The following PRKD1 variants were observed in gnomAD, a reference collection of about 807,000 sequenced individuals.
PRKD1 encodes protein kinase D1.
PRKD1 carries 63 observed loss-of-function variants against 95.9 expected under a neutral mutation model. That is an observed-to-expected ratio of 0.66 (90% CI 0.54 to 0.81). The LOEUF (loss-of-function observed/expected upper bound fraction) is 0.81, where lower values mean the gene tolerates loss of function less well. PRKD1 is among the 30% of genes least tolerant of loss of function. PRKD1 has a pLI of 0.00. For synonymous variants in PRKD1, 425 were observed against 423.1 expected, an observed-to-expected ratio of 1.00 and a Z score of -0.05; for missense variants, 1,048 against 1,165.3, an observed-to-expected ratio of 0.90 and a Z score of 1.47.
chr14:29,765,423 C>T (rs555681654), intron 1 of PRKD1, among the ~76,000 whole-genome samples: 1 of 152,312 alleles, frequency 6.6e-6, no homozygotes, highest in Non-Finnish European at 1.5e-5. Flanking sequence ...AGTCACTCTC[C>T]TACCCTTCTG....
intron 2 of PRKD1, among the ~76,000 whole-genome samples, chr14:29,666,547 T>C (rs1882523086): frequency 6.6e-6 from 1 of 152,084 alleles, no homozygotes; most frequent in African/African-American, 2.4e-5. Context: ...ATTTTACTTT[T>C]TCTCTTACTT....
intron 2 of PRKD1, among the ~76,000 whole-genome samples, chr14:29,714,154 A>G (rs1466218633): frequency 6.6e-6 from 1 of 152,184 alleles, no homozygotes; most frequent in Non-Finnish European, 1.5e-5. Context: ...ATTAGATGTA[A>G]TAAGAGTAAT....
intron 16 of PRKD1, among the ~76,000 whole-genome samples, chr14:29,579,798 G>T (rs1396735013): frequency 6.6e-6 from 1 of 152,140 alleles, no homozygotes; most frequent in African/African-American, 2.4e-5. Flanking sequence ...TTTAAATGTT[G>T]CCTATGCCTA....
At chr14:29,792,060 CT>C (rs1889571767) in intron 1 of PRKD1, among the ~76,000 whole-genome samples, 1 of 152,024 alleles carries the variant, frequency 6.6e-6, no homozygotes, top group South Asian at 2.1e-4. Flanking sequence ...TGATTTCTCA[CT>C]CTATAAAAAT....
chr14:29,738,332 C>T (rs45479897), intron 1 of PRKD1, among the ~76,000 whole-genome samples: 1 of 152,128 alleles, frequency 6.6e-6, no homozygotes, highest in African/African-American at 2.4e-5. Flanking sequence ...TTTCTCCCTC[C>T]CTCCTTCACT....
At chr14:29,688,948 CAAAAAAAAAAA>C (rs377212196) in intron 2 of PRKD1, among the ~76,000 whole-genome samples, 9 of 32,488 alleles carry the variant, frequency 2.8e-4, no homozygotes, top group Admixed American at 4.1e-4. Context: ...GACTCCGTCT[CAAAAAAAAAAA>C]AAAAAAAAAA....
chr14:29,751,563 CT>C (rs1887480405), intron 1 of PRKD1, among the ~76,000 whole-genome samples: 1 of 152,212 alleles, frequency 6.6e-6, no homozygotes, highest in Non-Finnish European at 1.5e-5. Flanking sequence ...GAAGAAGACA[CT>C]CTAGAACCTC....
At chr14:29,592,453 A>G (rs1323827795) in intron 16 of PRKD1, among the ~76,000 whole-genome samples, 2 of 152,174 alleles carry the variant, frequency 1.3e-5, no homozygotes, top group African/African-American at 2.4e-5. Flanking sequence ...AATGTATTTT[A>G]TAACAATTTA....
intron 1 of PRKD1, among the ~76,000 whole-genome samples, chr14:29,893,639 C>A (rs1384731231): frequency 6.6e-6 from 1 of 152,134 alleles, no homozygotes; most frequent in African/African-American, 2.4e-5. Flanking sequence ...ATGAGAAACA[C>A]CTTGCTGACA....
intron 2 of PRKD1, among the ~76,000 whole-genome samples, chr14:29,676,020 C>A (rs1202229476): frequency 1.3e-5 from 2 of 151,078 alleles, no homozygotes; most frequent in African/African-American, 4.9e-5. Flanking sequence ...AGGAGATATA[C>A]CTAATGTAAA....
At chr14:29,847,214 G>A (rs948805594) in intron 1 of PRKD1, among the ~76,000 whole-genome samples, 1 of 152,098 alleles carries the variant, frequency 6.6e-6, no homozygotes, top group African/African-American at 2.4e-5. Flanking sequence ...GCTGTGCCAA[G>A]GACACTGCAT....
intron 2 of PRKD1, among the ~76,000 whole-genome samples, chr14:29,714,238 T>C (rs1885482676): frequency 6.6e-6 from 1 of 152,166 alleles, no homozygotes; most frequent in Non-Finnish European, 1.5e-5. Context: ...CACTGGGTGA[T>C]ATAGTGAACA....
chr14:29,672,879 C>T (rs1056494869), intron 2 of PRKD1, among the ~76,000 whole-genome samples: 5 of 151,656 alleles, frequency 3.3e-5, no homozygotes, highest in Non-Finnish European at 1.5e-5. Context: ...GTATTTACTC[C>T]TTCTCAGAAA....
chr14:29,750,960 A>C (rs1291062848), intron 1 of PRKD1, among the ~76,000 whole-genome samples: 1 of 152,140 alleles, frequency 6.6e-6, no homozygotes, highest in Non-Finnish European at 1.5e-5. Context: ...GCCATTTTAC[A>C]TCCACTCCTC....
intron 1 of PRKD1, among the ~76,000 whole-genome samples, chr14:29,832,986 A>G (rs1003120516): frequency 2.0e-5 from 3 of 152,028 alleles, no homozygotes; most frequent in African/African-American, 7.2e-5. Context: ...CCTCCATAGT[A>G]ACACTTCCTA....
intron 1 of PRKD1, among the ~76,000 whole-genome samples, chr14:29,793,568 A>G (rs963585907): frequency 6.6e-6 from 1 of 152,126 alleles, no homozygotes; most frequent in Non-Finnish European, 1.5e-5. Flanking sequence ...TTGGTTTCTT[A>G]CATTGAAATG....
intron 4 of PRKD1, among the ~76,000 whole-genome samples, chr14:29,659,366 G>A (rs1260689020): frequency 2.6e-5 from 4 of 152,040 alleles, no homozygotes; most frequent in Admixed American, 6.6e-5. Context: ...ACAATCCATT[G>A]TATGACTACA....
chr14:29,894,268 A>G (rs909597621), intron 1 of PRKD1, among the ~76,000 whole-genome samples: 6 of 152,228 alleles, frequency 3.9e-5, no homozygotes, highest in African/African-American at 1.4e-4. Flanking sequence ...TGTCAAAGCC[A>G]GGGATGGCGA....
chr14:29,684,309 C>G (rs1289492739), intron 2 of PRKD1, among the ~76,000 whole-genome samples: 1 of 151,996 alleles, frequency 6.6e-6, no homozygotes, highest in Non-Finnish European at 1.5e-5. Context: ...TGCCACCATG[C>G]CTGACTAATT....
Sources: allele counts gnomAD v4.1 joint callset (sites outside exome capture counted in the v4.1 genomes callset), GRCh38; gene constraint gnomAD v4.1.1; transcripts MANE v1.5; gene names NCBI Gene and HGNC (gene_info 2026-07-23, HGNC 2026-07-21).